The following LARGE1 variants were observed in gnomAD, a reference collection of about 807,000 sequenced individuals.
LARGE1 encodes the protein LARGE xylosyl- and glucuronyltransferase 1.
LARGE1 carries 43 observed loss-of-function variants against 87.6 expected under a neutral mutation model. The observed-to-expected ratio is 0.49, with a 90% CI of 0.38 to 0.63. The LOEUF is 0.63. Among genes scored for constraint, LARGE1 ranks in the 30% least tolerant of loss-of-function variants. The pLI is 0.00. For missense variants in LARGE1, 802 were observed against 1,000.2 expected, an observed-to-expected ratio of 0.80 and a Z score of 2.67; for synonymous variants, 434 against 394.6, an observed-to-expected ratio of 1.10 and a Z score of -1.18.
At chr22:33,274,645 C>T (rs762583970) in intron 14 of LARGE1, 21 bp from the exon 15 acceptor site, 15 of 1,609,778 alleles carry the variant, frequency 9.3e-6, no homozygotes, top group Admixed American at 6.7e-5. Flanking sequence ...ACAAGAGCAG[C>T]GTGAGAACCC....
intron 2 of LARGE1, among the ~76,000 whole-genome samples, chr22:33,653,702 G>A (rs2080884104): frequency 6.6e-6 from 1 of 152,192 alleles, no homozygotes; most frequent in Non-Finnish European, 1.5e-5. Context: ...CTTTCTCAGT[G>A]AGGGAAGGTG....
At chr22:33,779,447 AG>A (rs2145880594) in intron 1 of LARGE1, among the ~76,000 whole-genome samples, 2 of 152,286 alleles carry the variant, frequency 1.3e-5, no homozygotes, top group South Asian at 4.1e-4. Flanking sequence ...GCAGCTCTAC[AG>A]TGAGAAGTAA....
rs77830599 is a variant in LARGE1, at chr22:33,813,473, G to C, written c.-82-51915C>G. Among the ~76,000 whole-genome samples, 253 of 152,022 alleles carry C rather than the reference G, an allele frequency of 1.7e-3. 2 individuals carry two copies. The highest frequency in any genetic ancestry group is 5.4e-3 in the African/African-American group (223 of 41,452). On this transcript the variant is annotated intron_variant, in intron 1 of 14. Transcript: ENST00000397394. ...TGGAGGACAGATGTGTCTGACATCT[G>C]GGATCTCTTCTGCTCAACGGCCCAC...
At chr22:33,690,326 C>T (rs1253801184) in intron 2 of LARGE1, among the ~76,000 whole-genome samples, 1 of 152,158 alleles carries the variant, frequency 6.6e-6, no homozygotes, top group Admixed American at 6.5e-5. Context: ...GATAATGGCC[C>T]CCATCTCATG....
intron 11 of LARGE1, among the ~76,000 whole-genome samples, chr22:33,265,583 C>A (rs573203960): frequency 2.0e-5 from 3 of 152,314 alleles, no homozygotes; most frequent in Non-Finnish European, 4.4e-5. Context: ...CTGGGCACCA[C>A]TTCCCTTTAC....
intron 11 of LARGE1, among the ~76,000 whole-genome samples, chr22:33,212,116 G>A (rs911754120): frequency 3.3e-5 from 5 of 152,022 alleles, no homozygotes; most frequent in Non-Finnish European, 4.4e-5. Context: ...CTAAAATCAC[G>A]GATGAAGGTG....
At chr22:33,111,243 C>T in the LARGE1 span, among the ~76,000 whole-genome samples, 1 of 152,068 alleles carries the variant, frequency 6.6e-6, no homozygotes, top group East Asian at 1.9e-4. Context: ...TTTCTGGAAC[C>T]TTGGTTTCTC....
chr22:33,098,423 TC>T, the LARGE1 span, among the ~76,000 whole-genome samples: 9 of 152,050 alleles, frequency 5.9e-5, no homozygotes, highest in South Asian at 1.7e-3. Flanking sequence ...ATGGAGACCA[TC>T]CTGGCTAACA....
intron 11 of LARGE1, among the ~76,000 whole-genome samples, chr22:33,208,080 G>A (rs1924773917): frequency 6.6e-6 from 1 of 152,178 alleles, no homozygotes; most frequent in South Asian, 2.1e-4. Context: ...ATTTTACAAA[G>A]TGGGATGCTT....
the LARGE1 span, among the ~76,000 whole-genome samples, chr22:33,091,762 G>C: frequency 3.3e-5 from 5 of 152,204 alleles, no homozygotes; most frequent in African/African-American, 1.2e-4. Context: ...CATCTGTAAA[G>C]TGAAAATGGT....
At chr22:33,675,995 G>C (rs2081565667) in intron 2 of LARGE1, among the ~76,000 whole-genome samples, 1 of 122,222 alleles carries the variant, frequency 8.2e-6, no homozygotes, top group South Asian at 2.4e-4. Context: ...TATAAAGCCT[G>C]GAGGTTTTCT....
At position 33,652,593 on chromosome 22, in the gene LARGE1, G is replaced by A. The variant is rs530294977; in HGVS notation, c.107-1925C>T. ...AAAAAAAGCATATCTCTAGAAAATC[G>A]TCCTCTCTCAGCTGCCTGTCAAAAA... On this transcript the variant is annotated intron_variant, in intron 2 of 14. Coordinates refer to ENST00000397394, the MANE Select transcript of LARGE1 (RefSeq NM_133642.5). 4.2e-4 allele frequency among the ~76,000 whole-genome samples: 64 copies of A among 152,156 alleles called. 1 individual carries two copies. Among genetic ancestry groups the A allele is most frequent in the African/African-American group, 1.3e-3 (54 of 41,506 alleles).
the LARGE1 span, among the ~76,000 whole-genome samples, chr22:33,104,929 TTCTTTCTTTCTTTCTTTC>T: frequency 1.0e-5 from 1 of 100,114 alleles, no homozygotes; most frequent in South Asian, 3.5e-4. Flanking sequence ...CTTTCTTTCT[TTCTTTCTTTCTTTCTTTC>T]TCTTTCTCTC....
rs528007021 is a variant in LARGE1 at position 33,324,821 on chromosome 22, C to T, written c.1288-8573G>A. On this transcript the variant is annotated intron_variant, in intron 10 of 14. Transcript: ENST00000397394. ...ATATCTCTGACACTCATTTTCTATG[C>T]GACCTTGAGCAAGTCATGTCTCTGA... 4.1e-3 allele frequency among the ~76,000 whole-genome samples: 623 copies of T among 152,290 alleles called. 3 individuals carry two copies. Among genetic ancestry groups the T allele is most frequent in the Middle Eastern group, 0.017 (5 of 294 alleles).
intron 9 of LARGE1, among the ~76,000 whole-genome samples, chr22:33,366,467 T>A (rs1026298192): frequency 6.6e-6 from 1 of 152,250 alleles, no homozygotes; most frequent in Non-Finnish European, 1.5e-5. Context: ...CTTTAATCTA[T>A]TAACATGCTG....
At chr22:33,908,000 A>G (rs985852056) in intron 1 of LARGE1, among the ~76,000 whole-genome samples, 2 of 152,154 alleles carry the variant, frequency 1.3e-5, no homozygotes, top group African/African-American at 2.4e-5. Flanking sequence ...GGAATGCCCA[A>G]TGGCCATTCT....
At chr22:33,860,486 G>A (rs1371769830) in intron 1 of LARGE1, among the ~76,000 whole-genome samples, 1 of 152,198 alleles carries the variant, frequency 6.6e-6, no homozygotes, top group African/African-American at 2.4e-5. Flanking sequence ...TAAGGGCCTG[G>A]AGGGGCAATC....
At chr22:33,239,829 C>T (rs1926429773) in intron 11 of LARGE1, among the ~76,000 whole-genome samples, 1 of 152,088 alleles carries the variant, frequency 6.6e-6, no homozygotes, top group African/African-American at 2.4e-5. Context: ...AGCCACTGCG[C>T]CTGGCCTGCA....
At chr22:33,620,140 C>T (rs8140882) in intron 4 of LARGE1, among the ~76,000 whole-genome samples, 12,447 of 152,244 alleles carry the variant, frequency 0.082, 604 homozygotes, top group African/African-American at 0.13. Flanking sequence ...CTTTTATTCA[C>T]CACGTCCTTC....
Sources: gnomAD v4.1 joint callset for allele counts (sites outside exome capture counted in the v4.1 genomes callset) on GRCh38, gnomAD v4.1.1 for gene constraint, MANE v1.5 for transcripts, NCBI Gene and HGNC (gene_info 2026-07-23, HGNC 2026-07-21) for gene names.